SLC10A7: variants seen among roughly 807,000 people sequenced by gnomAD.
SLC10A7 encodes solute carrier family 10 member 7, also known as sodium/bile acid cotransporter 7.
In SLC10A7, 29 loss-of-function variants were observed where a neutral mutation model predicts 43.2. The observed-to-expected ratio is 0.67, with a 90% CI of 0.50 to 0.92. SLC10A7 has a LOEUF of 0.92. Ranked by LOEUF, SLC10A7 falls within the 40% of genes least tolerant of loss-of-function variation. The pLI, the probability that SLC10A7 is intolerant of heterozygous loss-of-function variation, is 0.00. For missense variants in SLC10A7, 295 were observed against 403.2 expected (o/e 0.73, Z 2.30); for synonymous variants, 152 against 144.8 (o/e 1.05, Z -0.35).
At chr4:146,307,361 CA>C (rs1731653286) in intron 6 of SLC10A7, among the ~76,000 whole-genome samples, 1 of 152,082 alleles carries the variant, frequency 6.6e-6, no homozygotes, top group Admixed American at 6.6e-5. Context: ...GAGAGACAAA[CA>C]GAAAAAGTGA....
chr4:146,320,456 C>T (rs1209670789), intron 6 of SLC10A7, among the ~76,000 whole-genome samples: 1 of 151,894 alleles, frequency 6.6e-6, no homozygotes. Flanking sequence ...AATGAATTGG[C>T]CATTCCAGTG....
At chr4:146,508,314 C>T (rs1326210937) in intron 3 of SLC10A7, among the ~76,000 whole-genome samples, 1 of 152,120 alleles carries the variant, frequency 6.6e-6, no homozygotes, top group Non-Finnish European at 1.5e-5. Flanking sequence ...CAGAAGACAA[C>T]AAAAATGAGT....
chr4:146,381,062 A>AC (rs952828266), intron 5 of SLC10A7, among the ~76,000 whole-genome samples: 1 of 152,026 alleles, frequency 6.6e-6, no homozygotes, highest in Non-Finnish European at 1.5e-5. Flanking sequence ...AGGTTTTGTG[A>AC]CCCCTAAAGC....
chr4:146,418,793 G>A (rs1409237831), intron 5 of SLC10A7, among the ~76,000 whole-genome samples: 1 of 152,110 alleles, frequency 6.6e-6, no homozygotes, highest in East Asian at 1.9e-4. Context: ...TCCCAAAGGT[G>A]GGGGCTCAGT....
At chr4:146,391,506 AGT>A (rs1210900791) in intron 5 of SLC10A7, among the ~76,000 whole-genome samples, 1 of 152,228 alleles carries the variant, frequency 6.6e-6, no homozygotes, top group East Asian at 1.9e-4. Context: ...TGAGAAATAA[AGT>A]GTACCTCAGC....
chr4:146,266,407 A>T (rs756569247), intron 10 of SLC10A7, among the ~76,000 whole-genome samples: 4 of 151,960 alleles, frequency 2.6e-5, no homozygotes, highest in Non-Finnish European at 5.9e-5. Flanking sequence ...CCCACCACAC[A>T]TGCCCATGCA....
intron 4 of SLC10A7, among the ~76,000 whole-genome samples, chr4:146,448,248 T>TA (rs953278085): frequency 2.6e-5 from 4 of 151,506 alleles, no homozygotes; most frequent in African/African-American, 4.8e-5. Context: ...AAAAAAATTT[T>TA]AAAAAAAACT....
chr4:146,342,910 C>A (rs1734364679), intron 5 of SLC10A7, among the ~76,000 whole-genome samples: 1 of 151,502 alleles, frequency 6.6e-6, no homozygotes, highest in East Asian at 1.9e-4. Flanking sequence ...TAAAACAATG[C>A]ACATAAATAA....
intron 9 of SLC10A7, among the ~76,000 whole-genome samples, chr4:146,286,302 G>T (rs867999786): frequency 2.3e-4 from 35 of 150,658 alleles, no homozygotes; most frequent in South Asian, 1.1e-3. Context: ...GACTGAGTTT[G>T]GAGTGGTGAG....
chr4:146,356,008 G>A (rs998837893), intron 5 of SLC10A7, among the ~76,000 whole-genome samples: 60 of 144,616 alleles, frequency 4.1e-4, no homozygotes, highest in South Asian at 3.8e-3. Flanking sequence ...CCTGCACAAT[G>A]TGCACATGTA....
At chr4:146,477,047 T>G (rs1289704417) in intron 4 of SLC10A7, among the ~76,000 whole-genome samples, 1 of 152,246 alleles carries the variant, frequency 6.6e-6, no homozygotes, top group Non-Finnish European at 1.5e-5. Context: ...TATAAATCAA[T>G]TAATCCTTAT....
chr4:146,398,055 T>G (rs528724553), intron 5 of SLC10A7, among the ~76,000 whole-genome samples: 1 of 152,342 alleles, frequency 6.6e-6, no homozygotes, highest in East Asian at 1.9e-4. Flanking sequence ...TGGAATTTTC[T>G]GCAACATCAT....
intron 4 of SLC10A7, among the ~76,000 whole-genome samples, chr4:146,453,367 T>A (rs1012897874): frequency 6.6e-6 from 1 of 152,010 alleles, no homozygotes; most frequent in African/African-American, 2.4e-5. Flanking sequence ...TAAATGGGAA[T>A]GACACCAGAG....
intron 10 of SLC10A7, among the ~76,000 whole-genome samples, chr4:146,262,997 T>C (rs568152343): frequency 6.6e-6 from 1 of 152,374 alleles, no homozygotes; most frequent in East Asian, 1.9e-4. Context: ...TCTCTGCTCT[T>C]TGACCTGGGC....
At chr4:146,396,125 T>C (rs1406740349) in intron 5 of SLC10A7, among the ~76,000 whole-genome samples, 2 of 152,180 alleles carry the variant, frequency 1.3e-5, no homozygotes, top group African/African-American at 2.4e-5. Flanking sequence ...CTGAAGAGGA[T>C]TGATAAGGTA....
chr4:146,324,821 G>T (rs1732992386), intron 6 of SLC10A7, among the ~76,000 whole-genome samples: 1 of 152,116 alleles, frequency 6.6e-6, no homozygotes. Flanking sequence ...ATTCTGCGTT[G>T]GTGAAGTCCA....
chr4:146,506,588 T>C (rs1383209258), intron 3 of SLC10A7, among the ~76,000 whole-genome samples: 1 of 152,186 alleles, frequency 6.6e-6, no homozygotes, highest in Non-Finnish European at 1.5e-5. Flanking sequence ...AAGTAACCAG[T>C]AATCCCCAAA....
intron 2 of SLC10A7, among the ~76,000 whole-genome samples, chr4:146,516,145 T>C (rs78442260): frequency 0.022 from 3,282 of 152,138 alleles, 107 homozygotes; most frequent in African/African-American, 0.074. Flanking sequence ...AAATACCTTC[T>C]TATAGTGAGA....
chr4:146,402,935 C>T (rs1386039619), intron 5 of SLC10A7, among the ~76,000 whole-genome samples: 1 of 152,180 alleles, frequency 6.6e-6, no homozygotes, highest in Non-Finnish European at 1.5e-5. Context: ...ATTCAAATCC[C>T]AGCTTGACCA....
Sources: allele counts gnomAD v4.1 joint callset (sites outside exome capture counted in the v4.1 genomes callset), GRCh38; gene constraint gnomAD v4.1.1; transcripts MANE v1.5; gene names NCBI Gene and HGNC (gene_info 2026-07-23, HGNC 2026-07-21).